The following ZNRF3 variants were observed in gnomAD, a reference collection of about 807,000 sequenced individuals.
ZNRF3 encodes the protein zinc and ring finger 3, also known as E3 ubiquitin-protein ligase ZNRF3.
ZNRF3 carries 23 observed loss-of-function variants against 72.5 expected under a neutral mutation model. The observed-to-expected ratio is 0.32, with a 90% CI of 0.23 to 0.45. ZNRF3 has a LOEUF of 0.45. Among genes scored for constraint, ZNRF3 ranks in the 20% least tolerant of loss-of-function variants. The pLI is 1.00. For synonymous variants in ZNRF3, 610 were observed against 545.3 expected (o/e 1.12, Z -1.65); for missense variants, 1,169 against 1,272.1 (o/e 0.92, Z 1.23).
intron 1 of ZNRF3, among the ~76,000 whole-genome samples, chr22:28,955,895 GATGACA>G (rs1465164420): frequency 6.6e-6 from 1 of 152,158 alleles, no homozygotes; most frequent in Non-Finnish European, 1.5e-5. Flanking sequence ...CTCTGGCCTA[GATGACA>G]GAGTGAGACC....
At chr22:29,024,809 CA>C (rs1042679586) in intron 2 of ZNRF3, among the ~76,000 whole-genome samples, 9 of 151,866 alleles carry the variant, frequency 5.9e-5, no homozygotes, top group Non-Finnish European at 1.2e-4. Context: ...GGTAGTGACC[CA>C]AAAATGTCAG....
intron 1 of ZNRF3, among the ~76,000 whole-genome samples, chr22:28,914,495 CT>C (rs132544): frequency 0.067 from 8,439 of 125,900 alleles, 309 homozygotes; most frequent in East Asian, 0.12. Flanking sequence ...TGACATAGAG[CT>C]TTTTTTTTTT....
In ZNRF3 at chr22:28,987,005, G is replaced by A. The variant is rs184761903; in HGVS notation, c.301-71G>A. The A allele has an allele frequency of 2.2e-5, 34 of 1,536,648 alleles. No homozygotes were observed. In the Admixed American group the frequency reaches 6.4e-4, roughly 29 times the overall value. On this transcript the variant is annotated intron_variant, in intron 1 of 8. Transcript: ENST00000544604. ...CGTTACTTTTGGCTATAGCATCTGA[G>A]AAATACACAATATGAGTCAAGCAAA...
intron 2 of ZNRF3, among the ~76,000 whole-genome samples, chr22:29,019,258 A>T (rs2036488292): frequency 1.3e-5 from 2 of 152,270 alleles, no homozygotes; most frequent in Admixed American, 6.5e-5. Flanking sequence ...GTGGAAAAAT[A>T]AGCTCAATTT....
intron 1 of ZNRF3, chr22:28,986,754 A>G (rs1193054689): frequency 3.0e-6 from 2 of 677,260 alleles, no homozygotes; most frequent in Non-Finnish European, 3.6e-6. Flanking sequence ...ATTTCACAGC[A>G]ATTTAGATTG....
intron 2 of ZNRF3, among the ~76,000 whole-genome samples, chr22:29,040,346 A>AT (rs1413436602): frequency 2.0e-5 from 3 of 151,802 alleles, no homozygotes; most frequent in African/African-American, 4.8e-5. Flanking sequence ...CATCCAGCTG[A>AT]TTTTTTGCAT....
chr22:28,973,024 C>T (rs2035605466), intron 1 of ZNRF3, among the ~76,000 whole-genome samples: 1 of 152,166 alleles, frequency 6.6e-6, no homozygotes, highest in Non-Finnish European at 1.5e-5. Flanking sequence ...CTTGCTGTCT[C>T]CAGGCTGGAG....
chr22:28,923,634 G>A (rs1192369275), intron 1 of ZNRF3, among the ~76,000 whole-genome samples: 1 of 152,058 alleles, frequency 6.6e-6, no homozygotes, highest in Non-Finnish European at 1.5e-5. Context: ...GGCCCCGCTT[G>A]TTTCACTTAC....
At chr22:28,886,848 T>G (rs2033797118) in intron 1 of ZNRF3, among the ~76,000 whole-genome samples, 2 of 151,706 alleles carry the variant, frequency 1.3e-5, no homozygotes. Context: ...CCCAGCTATT[T>G]GGGAGGCTGA....
At chr22:28,918,637 C>T (rs1485426860) in intron 1 of ZNRF3, among the ~76,000 whole-genome samples, 1 of 151,860 alleles carries the variant, frequency 6.6e-6, no homozygotes, top group African/African-American at 2.4e-5. Flanking sequence ...AATACAGCCA[C>T]CAAGCTTGCC....
At chr22:28,969,455 G>A (rs938705863) in intron 1 of ZNRF3, among the ~76,000 whole-genome samples, 1 of 152,170 alleles carries the variant, frequency 6.6e-6, no homozygotes, top group African/African-American at 2.4e-5. Flanking sequence ...ATGTAAAGGA[G>A]GTTAAGGACA....
intron 1 of ZNRF3, among the ~76,000 whole-genome samples, chr22:28,945,194 G>A (rs2035031493): frequency 6.6e-6 from 1 of 150,898 alleles, no homozygotes. Context: ...AGACTTACAG[G>A]TAAGGATGTT....
intron 1 of ZNRF3, among the ~76,000 whole-genome samples, chr22:28,920,601 A>G (rs1319147348): frequency 1.3e-5 from 2 of 152,228 alleles, no homozygotes; most frequent in East Asian, 3.8e-4. Context: ...TTATATTTCA[A>G]TACACATGAG....
At chr22:29,051,908 C>T (rs1186546146) in intron 8 of ZNRF3, among the ~76,000 whole-genome samples, 2 of 151,782 alleles carry the variant, frequency 1.3e-5, no homozygotes, top group Non-Finnish European at 2.9e-5. Context: ...AACCTAGGCC[C>T]CATCCCTGTG....
At chr22:29,000,979 G>C (rs1315935944) in intron 2 of ZNRF3, among the ~76,000 whole-genome samples, 2 of 150,272 alleles carry the variant, frequency 1.3e-5, no homozygotes, top group African/African-American at 4.9e-5. Context: ...TTTGTAGAGA[G>C]AAGGTCTTGT....
At chr22:28,884,460 T>C (rs1418745281) in intron 1 of ZNRF3, among the ~76,000 whole-genome samples, 1 of 152,232 alleles carries the variant, frequency 6.6e-6, no homozygotes, top group Non-Finnish European at 1.5e-5. Flanking sequence ...GGTTGCAGGC[T>C]TTGCTTTTCC....
At chr22:29,006,324 C>G (rs993407442) in intron 2 of ZNRF3, among the ~76,000 whole-genome samples, 3 of 150,040 alleles carry the variant, frequency 2.0e-5, no homozygotes, top group African/African-American at 7.4e-5. Flanking sequence ...AGCGATTCTC[C>G]TGCCTCAGCC....
chr22:28,909,151 C>T (rs1158235497), intron 1 of ZNRF3, among the ~76,000 whole-genome samples: 2 of 152,132 alleles, frequency 1.3e-5, no homozygotes, highest in African/African-American at 4.8e-5. Flanking sequence ...CCTGCCTCAG[C>T]CTCCCAAAGT....
chr22:29,050,048 TG>T lies in ZNRF3; in HGVS notation c.1868del (p.Cys623SerfsTer43). On this transcript the variant is annotated frameshift_variant, in exon 8 of 9. Coordinates refer to ENST00000544604, the MANE Select transcript of ZNRF3 (RefSeq NM_001206998.2). LOFTEE classifies it high-confidence loss of function. Reference protein sequence around the residue: ...SGSSGRGPALCFEGSPPPEEL... With the variant: ...SGSSGRGPALXFEGSPPPEEL... ...CAGCTCGGGCCGGGGACCTGCCCTGTGCTTCGAGGGCTCCCCGCCTCCCGAG... is the reference window on the plus strand; with the variant it reads ...CAGCTCGGGCCGGGGACCTGCCCTGTCTTCGAGGGCTCCCCGCCTCCCGAG... 1 of 1,608,776 alleles carries T rather than the reference TG, an allele frequency of 6.2e-7. No individual in the cohort carries two copies. The highest frequency in any genetic ancestry group is 8.5e-7 in the Non-Finnish European group (1 of 1,178,010).
Sources: gnomAD v4.1 joint callset for allele counts (sites outside exome capture counted in the v4.1 genomes callset) on GRCh38, gnomAD v4.1.1 for gene constraint, MANE v1.5 for transcripts, NCBI Gene and HGNC (gene_info 2026-07-23, HGNC 2026-07-21) for gene names.